ZNF546: variants seen among roughly 807,000 people sequenced by gnomAD.
ZNF546 encodes the protein CTC-471F3.6.
Under a neutral mutation model 76.2 loss-of-function variants are expected in ZNF546, and 60 were observed. That is an observed-to-expected ratio of 0.79 (90% CI 0.64 to 0.98). ZNF546 has a LOEUF of 0.98. Among genes scored for constraint, ZNF546 ranks in the 50% least tolerant of loss-of-function variants. The pLI is 0.00. For synonymous variants in ZNF546, 277 were observed against 328.1 expected, an observed-to-expected ratio of 0.84 and a Z score of 1.68; for missense variants, 936 against 1,035.6, an observed-to-expected ratio of 0.90 and a Z score of 1.32.
At chr19:40,000,090 A>G (rs561696609) in intron 3 of ZNF546, among the ~76,000 whole-genome samples, 1 of 152,308 alleles carries the variant, frequency 6.6e-6, no homozygotes, top group East Asian at 1.9e-4. Context: ...GAAAACACCA[A>G]TGAATCCTGC....
At chr19:40,009,311 T>C (rs573509019) in intron 6 of ZNF546, among the ~76,000 whole-genome samples, 22 of 152,362 alleles carry the variant, frequency 1.4e-4, no homozygotes, top group African/African-American at 5.3e-4. Context: ...ATGTGAACAT[T>C]CTTGTACAAT....
intron 3 of ZNF546, among the ~76,000 whole-genome samples, chr19:40,002,306 T>C (rs911166295): frequency 6.6e-6 from 1 of 152,246 alleles, no homozygotes; most frequent in Non-Finnish European, 1.5e-5. Context: ...AAATGTCTTA[T>C]GTATATGTCT....
chr19:40,001,920 G>A (rs555078542), intron 3 of ZNF546, among the ~76,000 whole-genome samples: 14 of 152,184 alleles, frequency 9.2e-5, no homozygotes, highest in Admixed American at 6.5e-4. Context: ...TCATTAAGTG[G>A]GATGTATGTA....
chr19:40,006,313 T>C (rs548217245), intron 4 of ZNF546, 131 bp downstream of exon 4: 62,267 of 743,502 alleles, frequency 0.084, 7,499 homozygotes, highest in African/African-American at 0.45. Flanking sequence ...ACTCCCTAGT[T>C]ACAGTGAAGG....
intron 3 of ZNF546, among the ~76,000 whole-genome samples, chr19:40,001,869 AT>A (rs1251875566): frequency 6.6e-6 from 1 of 152,236 alleles, no homozygotes; most frequent in Non-Finnish European, 1.5e-5. Flanking sequence ...AATATCCTCT[AT>A]TTTAATAATA....
At chr19:39,997,613 T>C (rs234326) in intron 1 of ZNF546, among the ~76,000 whole-genome samples, 23,858 of 152,192 alleles carry the variant, frequency 0.16, 4,533 homozygotes, top group African/African-American at 0.45. Context: ...GTTGGAAGAC[T>C]GCGCAGTTGG....
intron 5 of ZNF546, among the ~76,000 whole-genome samples, chr19:40,008,257 C>G (rs1287282449): frequency 3.3e-5 from 5 of 152,158 alleles, no homozygotes; most frequent in Non-Finnish European, 7.3e-5. Context: ...CCTTTTCGCT[C>G]TCTCACCTTG....
intron 6 of ZNF546, among the ~76,000 whole-genome samples, chr19:40,010,752 G>T (rs570937215): frequency 6.6e-6 from 1 of 151,914 alleles, no homozygotes; most frequent in Non-Finnish European, 1.5e-5. Flanking sequence ...GTGCGACCTC[G>T]GCTCACTGCA....
At chr19:40,006,642 A>G (rs1409410916) in intron 4 of ZNF546, among the ~76,000 whole-genome samples, 1 of 152,204 alleles carries the variant, frequency 6.6e-6, no homozygotes, top group African/African-American at 2.4e-5. Context: ...TTCCTGAGGT[A>G]TGGCAGGGGT....
Position 39,998,258 on chromosome 19 carries a change from C to A in ZNF546, c.-69C>A. On this transcript the variant is annotated 5_prime_UTR_variant, in exon 3 of 7. Transcript: ENST00000347077. Reference sequence around the variant, plus strand: ...TGTTTTTGTTTTTAGGAAATGGAAACATTGCTTTGCTTTTCCTGAATTGTC... The same window carrying A: ...TGTTTTTGTTTTTAGGAAATGGAAAAATTGCTTTGCTTTTCCTGAATTGTC... 8.1e-7 allele frequency: 1 copy of A among 1,230,784 alleles called. No homozygotes were observed. Among genetic ancestry groups the A allele is most frequent in the Non-Finnish European group, 1.2e-6 (1 of 848,514 alleles). The allele number at this position is 1,230,784 out of a possible 1,614,324, so 76.2% of individuals were successfully genotyped here.
Position 40,015,919 on chromosome 19 carries a change from A to G in ZNF546, c.*138A>G. The G allele has an allele frequency of 1.3e-6, 1 of 791,060 alleles. No individual in the cohort carries two copies. The highest frequency in any genetic ancestry group is 2.7e-5 in the East Asian group (1 of 37,686). The allele number at this position is 791,060 out of a possible 1,614,324, so 49.0% of individuals were successfully genotyped here. A position where few individuals can be genotyped will look rare whatever the true frequency, so the allele number is the denominator to read the frequency against. The stretch of plus-strand genomic sequence containing the variant: ...TATCAGAAATTATTTCGTATGTTAA[A>G]GAGTCGAAAGACTATAGCATCACTC... On this transcript the variant is annotated 3_prime_UTR_variant, in exon 7 of 7. Transcript: ENST00000347077.
chr19:40,013,818 A>C lies in ZNF546; in HGVS notation c.548A>C (p.Glu183Ala). The C allele has an allele frequency of 6.2e-7, 1 of 1,613,614 alleles. No individual in the cohort carries two copies. The highest frequency in any genetic ancestry group is 8.5e-7 in the Non-Finnish European group (1 of 1,179,808). The change falls in exon 7 of 7, where the codon GAG (glutamate) becomes GCG (alanine). Residue 183 changes from glutamate (E) to alanine (A), a missense_variant. Glu to Ala is a moderately radical substitution (Grantham distance 107). Coordinates refer to ENST00000347077, the MANE Select transcript of ZNF546 (RefSeq NM_178544.5). ...GGTTTGCAGTGTAAACATGAATTTG[A>C]GAGACAAGAGAGACATCAGATGGGA... ...RNGLQCKHEF[E>A]RQERHQMGCV...
intron 3 of ZNF546, among the ~76,000 whole-genome samples, chr19:40,001,007 G>A (rs1347302371): frequency 1.3e-5 from 2 of 152,048 alleles, no homozygotes; most frequent in Non-Finnish European, 2.9e-5. Flanking sequence ...GGGAGGCAAT[G>A]ACAGATCATC....
chr19:40,010,076 T>G (rs982480140), intron 6 of ZNF546, among the ~76,000 whole-genome samples: 1 of 152,158 alleles, frequency 6.6e-6, no homozygotes, highest in African/African-American at 2.4e-5. Context: ...AATATATGTC[T>G]ATTTTTTAAG....
intron 3 of ZNF546, among the ~76,000 whole-genome samples, chr19:40,000,615 CA>C (rs550470156): frequency 0.032 from 1,825 of 56,756 alleles, 16 homozygotes; most frequent in South Asian, 0.11. Context: ...GACTCTGTCT[CA>C]AAAAAAAAAA....
At position 40,015,326 on chromosome 19, in the gene ZNF546, G is replaced by C. The variant is rs767493893; in HGVS notation, c.2056G>C (p.Gly686Arg). Reference protein sequence around the residue: ...RHYHLTQHHRGHTGEKPYICN... With the variant: ...RHYHLTQHHRRHTGEKPYICN... ...CTATCATCTTACTCAACATCACAGAGGCCATACTGGTGAGAAGCCCTACAT... is the reference window on the plus strand; with the variant it reads ...CTATCATCTTACTCAACATCACAGACGCCATACTGGTGAGAAGCCCTACAT... Residue 686 changes from glycine to arginine, a missense_variant, in exon 7 of 7, where the codon GGC becomes CGC. Gly to Arg is a moderately radical substitution (Grantham distance 125, BLOSUM62 -2). Transcript: ENST00000347077. 2 of 1,613,018 alleles carry C rather than the reference G, an allele frequency of 1.2e-6. No individual in the cohort carries two copies. Among genetic ancestry groups the C allele is most frequent in the East Asian group, 4.5e-5 (2 of 44,720 alleles).
intron 5 of ZNF546, among the ~76,000 whole-genome samples, chr19:40,008,222 A>G (rs1971629679): frequency 6.6e-6 from 1 of 150,474 alleles, no homozygotes; most frequent in Admixed American, 6.5e-5. Context: ...TCCCCTTTCT[A>G]TACTGCCGTT....
chr19:40,007,570 T>A (rs1971620819), intron 5 of ZNF546, among the ~76,000 whole-genome samples, 170 bp downstream of exon 5: 1 of 152,162 alleles, frequency 6.6e-6, no homozygotes, highest in Non-Finnish European at 1.5e-5. Flanking sequence ...CAACTTCACC[T>A]TTCTGACCCT....
chr19:40,005,074 A>G (rs1971587297), intron 3 of ZNF546, among the ~76,000 whole-genome samples: 1 of 123,116 alleles, frequency 8.1e-6, no homozygotes, highest in African/African-American at 3.5e-5. Context: ...GTTGGAGTGC[A>G]GTGGCGCGAT....
Sources: allele counts gnomAD v4.1 joint callset (sites outside exome capture counted in the v4.1 genomes callset), GRCh38; gene constraint gnomAD v4.1.1; transcripts MANE v1.5; gene names NCBI Gene and HGNC (gene_info 2026-07-23, HGNC 2026-07-21).